STAB2: variants seen among roughly 807,000 people sequenced by gnomAD.
STAB2 encodes the protein stabilin-2.
A neutral mutation model predicts 338.1 loss-of-function variants in STAB2; 288 were observed. The ratio of observed to expected loss-of-function variants is 0.85; its 90% CI spans 0.77 to 0.94. STAB2 has a LOEUF of 0.94. Ranked by LOEUF, STAB2 falls within the 40% of genes least tolerant of loss-of-function variation. The pLI is 0.00. For synonymous variants in STAB2, 1,202 were observed against 1,193.3 expected, an observed-to-expected ratio of 1.01 and a Z score of -0.15; for missense variants, 3,141 against 3,210.1, an observed-to-expected ratio of 0.98 and a Z score of 0.52.
chr12:103,698,666 C>T (rs1262165070), intron 33 of STAB2, among the ~76,000 whole-genome samples: 1 of 152,172 alleles, frequency 6.6e-6, no homozygotes, highest in African/African-American at 2.4e-5. Context: ...CTTGGTCAGA[C>T]CCCATCCAAC....
chr12:103,669,635 C>T lies in STAB2; in HGVS notation c.2259+8C>T. 6.2e-7 allele frequency: 1 copy of T among 1,611,984 alleles called. No homozygotes were observed. The highest frequency in any genetic ancestry group is 8.5e-7 in the Non-Finnish European group (1 of 1,178,208). On this transcript the variant is annotated splice_region_variant and intron_variant, in intron 21 of 68. Transcript: ENST00000388887. Reference sequence around the variant, plus strand: ...TGCTCAGGAAATGGACAGGTGAATACTGAAGACTGGCCTTCCATAAGTCAA... The same window carrying T: ...TGCTCAGGAAATGGACAGGTGAATATTGAAGACTGGCCTTCCATAAGTCAA...
At position 103,745,176 on chromosome 12, in the gene STAB2, G is replaced by A. The variant is rs1882923769; in HGVS notation, c.6035G>A (p.Cys2012Tyr). Residue 2012 changes from cysteine to tyrosine, a missense_variant, in exon 57 of 69, where the codon TGT (cysteine) becomes TAT (tyrosine). Physicochemically the swap from Cys to Tyr is radical, Grantham distance 194 (BLOSUM62 -2). Coordinates refer to ENST00000388887, the MANE Select transcript of STAB2 (RefSeq NM_017564.10). Reference sequence around the variant, plus strand: ...CCATATCCTAATTTGTTTACAGCCTGTGGCTGCTCAGACCACGGACAGTGC... The same window carrying A: ...CCATATCCTAATTTGTTTACAGCCTATGGCTGCTCAGACCACGGACAGTGC... The part of the protein sequence containing the change: ...PGRFGPDCLP[C>Y]GCSDHGQCDD... The A allele has an allele frequency of 1.2e-6, 2 of 1,613,026 alleles. No homozygotes were observed. The highest frequency in any genetic ancestry group is 1.3e-5 in the African/African-American group (1 of 74,892).
chr12:103,661,387 T>A (rs1163393869), intron 17 of STAB2, among the ~76,000 whole-genome samples: 2 of 152,204 alleles, frequency 1.3e-5, no homozygotes, highest in Non-Finnish European at 2.9e-5. Flanking sequence ...TCACTGTTGA[T>A]GGTGATGATT....
At chr12:103,604,179 T>C (rs1010016694) in intron 3 of STAB2, among the ~76,000 whole-genome samples, 3 of 152,156 alleles carry the variant, frequency 2.0e-5, no homozygotes, top group Non-Finnish European at 4.4e-5. Context: ...TTATTTCTAA[T>C]CTGCATTCAT....
At chr12:103,617,858 G>T (rs1289925769) in intron 3 of STAB2, among the ~76,000 whole-genome samples, 2 of 152,132 alleles carry the variant, frequency 1.3e-5, no homozygotes, top group African/African-American at 4.8e-5. Flanking sequence ...TTTGAGCCTG[G>T]CTCTGCCACT....
intron 23 of STAB2, among the ~76,000 whole-genome samples, chr12:103,675,370 GA>G (rs990225887): frequency 6.6e-6 from 1 of 152,160 alleles, no homozygotes; most frequent in South Asian, 2.1e-4. Context: ...GGTGTTGGGG[GA>G]AAAAACCTCT....
chr12:103,626,849 T>G (rs1957388404), intron 5 of STAB2, among the ~76,000 whole-genome samples: 1 of 152,174 alleles, frequency 6.6e-6, no homozygotes, highest in African/African-American at 2.4e-5. Context: ...AGAGATAATT[T>G]CGAGCTGCAC....
At chr12:103,620,652 C>T in intron 4 of STAB2, 99 bp downstream of exon 4, 2 of 988,526 alleles carry the variant, frequency 2.0e-6, no homozygotes, top group Admixed American at 2.2e-5. Context: ...CACACACACA[C>T]ACGTGCACAC....
rs972817653 is a variant in STAB2 at position 103,711,390 on chromosome 12, C to G, written c.4289-81C>G. 10 of 1,587,002 alleles carry G rather than the reference C, an allele frequency of 6.3e-6. No homozygotes were observed. The Admixed American group carries it at 6.8e-5, about 11-fold the overall frequency. On this transcript the variant is annotated intron_variant, in intron 39 of 68. Coordinates refer to ENST00000388887, the MANE Select transcript of STAB2 (RefSeq NM_017564.10). ...ATACATATCACTTCCAAAGAAGTAG[C>G]TTTTCTGAGCACAAAATACTAAAAA...
At chr12:103,705,000 C>T (rs73189892) in intron 36 of STAB2, 6,404 of 164,848 alleles carry the variant, frequency 0.039, 146 homozygotes, top group African/African-American at 0.057. Context: ...GAAGTTGCAA[C>T]TAACTTTCTC....
chr12:103,641,538 C>T (rs1872927812), intron 9 of STAB2, among the ~76,000 whole-genome samples: 1 of 152,182 alleles, frequency 6.6e-6, no homozygotes, highest in Non-Finnish European at 1.5e-5. Flanking sequence ...GGCACAGAGG[C>T]ACCCAACACA....
At position 103,758,277 on chromosome 12, in the gene STAB2, G is replaced by C. The variant is rs952033483; in HGVS notation, c.7095G>C (p.Leu2365=). The part of the protein sequence containing the change: ...GTLFVPQNSG[L]GENETLSGRD... Reference sequence around the variant, plus strand: ...TCTTTGTGCCACAGAACAGTGGGCTGGGGGAGAATGAGGTGAGTTGAGTCC... The same window carrying C: ...TCTTTGTGCCACAGAACAGTGGGCTCGGGGAGAATGAGGTGAGTTGAGTCC... Residue 2365 remains leucine (L), a synonymous_variant, in exon 64 of 69, where the codon CTG becomes CTC. Transcript: ENST00000388887. The C allele has an allele frequency of 3.1e-6, 5 of 1,613,532 alleles. No individual in the cohort carries two copies. The Admixed American group carries it at 6.7e-5, about 22-fold the overall frequency.
intron 3 of STAB2, among the ~76,000 whole-genome samples, chr12:103,595,957 G>C (rs148230918): frequency 0.025 from 3,743 of 152,222 alleles, 65 homozygotes; most frequent in Middle Eastern, 0.048. Flanking sequence ...CCCTGGAAAG[G>C]TCAAGGTTTG....
intron 3 of STAB2, among the ~76,000 whole-genome samples, chr12:103,607,749 G>T (rs1193016635): frequency 2.0e-5 from 3 of 152,110 alleles, no homozygotes; most frequent in South Asian, 2.1e-4. Flanking sequence ...GTATTCCATG[G>T]TATATATGTG....
At chr12:103,600,142 T>C (rs1050221356) in intron 3 of STAB2, among the ~76,000 whole-genome samples, 1 of 152,228 alleles carries the variant, frequency 6.6e-6, no homozygotes, top group African/African-American at 2.4e-5. Flanking sequence ...ACATGCTCAA[T>C]AAATTCTCTC....
chr12:103,640,011 G>A (rs981967309), intron 8 of STAB2, 112 bp from the exon 9 acceptor site: 136 of 1,346,300 alleles, frequency 1.0e-4, no homozygotes, highest in Non-Finnish European at 1.3e-4. Flanking sequence ...CCACACTTCA[G>A]ACATACTCTG....
rs139718815 is a variant in STAB2, at chr12:103,749,132, C to T, written c.6414C>T (p.His2138=). ...ADGLNGGCHE[H]ATCKMTGPGK... is the part of the protein sequence containing the mutation. ...GCCTTAACGGAGGGTGTCACGAGCA[C>T]GCCACCTGTAAGATGACAGGCCCGG... is the stretch of plus-strand genomic sequence containing the variant. Residue 2138 remains histidine (H), a synonymous_variant, in exon 59 of 69, where the codon CAC becomes CAT. Transcript: ENST00000388887. 5.6e-4 allele frequency: 899 copies of T among 1,606,226 alleles called. 11 individuals carry two copies. In the African/African-American group the frequency reaches 9.7e-3, roughly 17 times the overall value.
In STAB2 at chr12:103,749,841, C is replaced by CAAAAAAAAAAAAAA. The variant is rs369556936; in HGVS notation, c.6438+703_6439-707dup. On this transcript the variant is annotated intron_variant, in intron 59 of 68. Coordinates refer to ENST00000388887, the MANE Select transcript of STAB2 (RefSeq NM_017564.10). The stretch of plus-strand genomic sequence containing the variant: ...GGTGACAGAGCAAGACTCTGTCTCA[C>CAAAAAAAAAAAAAA]AAAAAAAAAAAAAAAAAAAAAAAAA... Among the ~76,000 whole-genome samples the CAAAAAAAAAAAAAA allele has an allele frequency of 6.5e-4, 33 of 51,160 alleles. 1 individual carries two copies. Among genetic ancestry groups the CAAAAAAAAAAAAAA allele is most frequent in the Admixed American group, 1.0e-3 (3 of 3,006 alleles). 33.6% of individuals were successfully genotyped at this position (51,160 alleles called of 152,430 possible).
chr12:103,736,795 A>C (rs1038040428), intron 52 of STAB2, among the ~76,000 whole-genome samples: 2 of 152,066 alleles, frequency 1.3e-5, no homozygotes, highest in Non-Finnish European at 2.9e-5. Flanking sequence ...TGTTCCTTCC[A>C]CTGAGTCACA....
Sources: gnomAD v4.1 joint callset for allele counts (sites outside exome capture counted in the v4.1 genomes callset) on GRCh38, gnomAD v4.1.1 for gene constraint, MANE v1.5 for transcripts, NCBI Gene and HGNC (gene_info 2026-07-23, HGNC 2026-07-21) for gene names.